RBFOX1: variants seen among roughly 807,000 people sequenced by gnomAD.
The protein encoded by RBFOX1 is RNA binding fox-1 homolog 1, also known as RNA binding protein fox-1 homolog 1.
A neutral mutation model predicts 57.7 loss-of-function variants in RBFOX1; 8 were observed. That is an observed-to-expected ratio of 0.14 (90% confidence interval 0.08 to 0.25). The LOEUF (loss-of-function observed/expected upper bound fraction) is 0.25, where lower values mean the gene tolerates loss of function less well. Ranked by LOEUF, RBFOX1 falls within the 10% of genes least tolerant of loss-of-function variation. The probability of loss-of-function intolerance (pLI) is 1.00; values close to 1 mark genes in which losing one functional copy is unlikely to be tolerated. For missense variants in RBFOX1, 611 were observed against 548.5 expected (o/e 1.11, Z -1.14); for synonymous variants, 326 against 222.4 (o/e 1.47, Z -4.15).
chr16:7,574,297 G>C (rs1185357186), intron 5 of RBFOX1, among the ~76,000 whole-genome samples: 1 of 152,186 alleles, frequency 6.6e-6, no homozygotes, highest in African/African-American at 2.4e-5. Flanking sequence ...AGTGACACCT[G>C]TATCAGGGTT....
chr16:7,273,820 G>A (rs933531734), intron 4 of RBFOX1, among the ~76,000 whole-genome samples: 1 of 152,144 alleles, frequency 6.6e-6, no homozygotes, highest in African/African-American at 2.4e-5. Flanking sequence ...TCCAGGGCTG[G>A]ATTGGTTTGC....
chr16:6,013,539 C>G (rs776399148), intron 4 of RBFOX1, among the ~76,000 whole-genome samples: 3 of 152,080 alleles, frequency 2.0e-5, no homozygotes, highest in Non-Finnish European at 4.4e-5. Flanking sequence ...AACAAAAAGA[C>G]AAGCTGTATC....
intron 3 of RBFOX1, among the ~76,000 whole-genome samples, chr16:5,645,593 A>G (rs1265943843): frequency 6.6e-6 from 1 of 152,254 alleles, no homozygotes; most frequent in Non-Finnish European, 1.5e-5. Flanking sequence ...AGAGTCTCAT[A>G]TATACATTGA....
At chr16:6,280,725 G>A (rs1341696518) in intron 1 of RBFOX1, among the ~76,000 whole-genome samples, 5 of 151,902 alleles carry the variant, frequency 3.3e-5, no homozygotes, top group Admixed American at 1.3e-4. Flanking sequence ...GAAACATCAC[G>A]GTTTATGTGT....
chr16:6,919,645 A>T (rs964530630), intron 3 of RBFOX1, among the ~76,000 whole-genome samples: 1 of 152,082 alleles, frequency 6.6e-6, no homozygotes, highest in Admixed American at 6.6e-5. Flanking sequence ...CTTTTTGTTG[A>T]TGGAGAGATA....
At chr16:6,993,522 C>G (rs528698971) in intron 3 of RBFOX1, among the ~76,000 whole-genome samples, 1 of 152,214 alleles carries the variant, frequency 6.6e-6, no homozygotes, top group African/African-American at 2.4e-5. Context: ...GATCAGGAAA[C>G]CTGGTTAAAG....
At chr16:7,517,466 C>G (rs545043181) in intron 4 of RBFOX1, among the ~76,000 whole-genome samples, 4 of 151,828 alleles carry the variant, frequency 2.6e-5, no homozygotes, top group Non-Finnish European at 5.9e-5. Flanking sequence ...TCAGAGAGGA[C>G]AGTCTTTGTC....
intron 14 of RBFOX1, among the ~76,000 whole-genome samples, chr16:7,683,103 C>T (rs1482637081): frequency 9.0e-6 from 1 of 110,738 alleles, no homozygotes; most frequent in Admixed American, 1.1e-4. Context: ...TAAGATAATT[C>T]TATTTCCTCC....
intron 4 of RBFOX1, among the ~76,000 whole-genome samples, chr16:7,483,943 G>A (rs12443822): frequency 0.34 from 51,194 of 152,180 alleles, 10,349 homozygotes; most frequent in Non-Finnish European, 0.46. Context: ...CAATCTCACA[G>A]TCTCCACTAC....
chr16:6,749,096 G>C (rs553959277), intron 3 of RBFOX1: 1 of 152,170 alleles, frequency 6.6e-6, no homozygotes, highest in Non-Finnish European at 1.5e-5. Flanking sequence ...TGAGTGAAAA[G>C]TATTGGAAAC....
chr16:6,826,677 G>C (rs982379384), intron 3 of RBFOX1, among the ~76,000 whole-genome samples: 2 of 151,972 alleles, frequency 1.3e-5, no homozygotes, highest in South Asian at 2.1e-4. Context: ...CAGCCTAAGA[G>C]CTCAGGAGAG....
intron 3 of RBFOX1, among the ~76,000 whole-genome samples, chr16:5,692,537 G>A (rs1596783852): frequency 6.6e-6 from 1 of 152,288 alleles, no homozygotes; most frequent in Admixed American, 6.5e-5. Context: ...GTCCATTTCT[G>A]CTGTACCCGG....
rs563259113 is a variant in RBFOX1 at position 6,737,807 on chromosome 16, T to G, written c.-16+83157T>G. ...TATCTTATATCAAGATTGTTTATAT[T>G]TCATTTAGTTAACTCCTTTTATTTG... On this transcript the variant is annotated intron_variant, in intron 3 of 15. Transcript: ENST00000550418. 1.6e-4 allele frequency among the ~76,000 whole-genome samples: 24 copies of G among 152,320 alleles called. No homozygotes were observed. The South Asian group carries it at 2.5e-3, about 16-fold the overall frequency.
At chr16:7,160,903 A>C (rs1327662986) in intron 4 of RBFOX1, among the ~76,000 whole-genome samples, 1 of 150,996 alleles carries the variant, frequency 6.6e-6, no homozygotes, top group African/African-American at 2.4e-5. Flanking sequence ...TTCAACTCTA[A>C]CTTCTTCAGC....
chr16:6,816,066 T>C (rs1329400975), intron 3 of RBFOX1, among the ~76,000 whole-genome samples: 2 of 152,118 alleles, frequency 1.3e-5, no homozygotes, highest in African/African-American at 4.8e-5. Context: ...CCAGCACTTT[T>C]GGAGGCTGAG....
chr16:6,145,890 G>A (rs748563600), intron 1 of RBFOX1, among the ~76,000 whole-genome samples: 16 of 152,102 alleles, frequency 1.1e-4, no homozygotes, highest in Non-Finnish European at 2.2e-4. Flanking sequence ...CTCACTCCTG[G>A]GGCAGGTATT....
chr16:6,615,663 A>G (rs1041588013), intron 2 of RBFOX1, among the ~76,000 whole-genome samples: 1 of 152,112 alleles, frequency 6.6e-6, no homozygotes, highest in African/African-American at 2.4e-5. Flanking sequence ...TGAAATGTCC[A>G]TGTGCTTTCC....
intron 3 of RBFOX1, among the ~76,000 whole-genome samples, chr16:6,872,772 TAACTG>T (rs2061162577): frequency 1.3e-5 from 2 of 152,128 alleles, no homozygotes. Flanking sequence ...AAAAATAAAA[TAACTG>T]AGATAAGAGT....
intron 4 of RBFOX1, among the ~76,000 whole-genome samples, chr16:7,461,444 G>A (rs1043986386): frequency 1.3e-5 from 2 of 152,124 alleles, no homozygotes; most frequent in Non-Finnish European, 2.9e-5. Context: ...GGGATTACAG[G>A]CATGAGTCAC....
Sources: gnomAD v4.1 joint callset for allele counts (sites outside exome capture counted in the v4.1 genomes callset) on GRCh38, gnomAD v4.1.1 for gene constraint, MANE v1.5 for transcripts, NCBI Gene and HGNC (gene_info 2026-07-23, HGNC 2026-07-21) for gene names.